The following COP1 variants were observed in gnomAD, a reference collection of about 807,000 sequenced individuals.
The protein encoded by COP1 is COP1 E3 ubiquitin ligase.
Under a neutral mutation model 101.3 loss-of-function variants are expected in COP1, and 24 were observed. The ratio of observed to expected loss-of-function variants is 0.24; its 90% CI spans 0.17 to 0.33. The LOEUF (loss-of-function observed/expected upper bound fraction) is 0.33, where lower values mean the gene tolerates loss of function less well. Among genes scored for constraint, COP1 ranks in the 10% least tolerant of loss-of-function variants. The pLI is 1.00. For synonymous variants in COP1, 347 were observed against 341.9 expected (o/e 1.01, Z -0.17); for missense variants, 663 against 906.2 (o/e 0.73, Z 3.45).
chr1:176,054,867 A>G (rs1441437273), intron 11 of COP1, among the ~76,000 whole-genome samples: 1 of 152,202 alleles, frequency 6.6e-6, no homozygotes, highest in Non-Finnish European at 1.5e-5. Flanking sequence ...ACTTTACAAA[A>G]AAAAGTTTTC....
intron 9 of COP1, among the ~76,000 whole-genome samples, chr1:176,094,082 A>T (rs1414385783): frequency 6.6e-6 from 1 of 152,058 alleles, no homozygotes; most frequent in Non-Finnish European, 1.5e-5. Context: ...AAGACTTCAA[A>T]GCCTGAAAGA....
intron 3 of COP1, among the ~76,000 whole-genome samples, chr1:176,171,218 G>C (rs1179317706): frequency 6.7e-6 from 1 of 149,942 alleles, no homozygotes; most frequent in Non-Finnish European, 1.5e-5. Context: ...TTTTTACCTA[G>C]ATCTTCTGGA....
At chr1:175,976,270 C>CTTTTTTTTTTT (rs10694480) in intron 18 of COP1, among the ~76,000 whole-genome samples, 1,801 of 56,846 alleles carry the variant, frequency 0.032, 556 homozygotes, top group Middle Eastern at 0.038. Context: ...ATTAGTCATT[C>CTTTTTTTTTTT]TTTTTTTTTT....
intron 11 of COP1, among the ~76,000 whole-genome samples, chr1:176,047,231 CAATT>C (rs1281734991): frequency 6.6e-6 from 1 of 152,168 alleles, no homozygotes; most frequent in Non-Finnish European, 1.5e-5. Context: ...CACTGATCTA[CAATT>C]AATTACACAA....
In COP1 at chr1:176,062,023, G is replaced by A. The variant is rs549014235; in HGVS notation, c.1278-15699C>T. Among the ~76,000 whole-genome samples, 12 of 152,088 alleles carry A rather than the reference G, an allele frequency of 7.9e-5. No homozygotes were observed. The East Asian group carries it at 1.7e-3, about 22-fold the overall frequency. On this transcript the variant is annotated intron_variant, in intron 11 of 19. Coordinates refer to ENST00000367669, the MANE Select transcript of COP1 (RefSeq NM_022457.7). ...TATTATTATTATTGTTTTTGGAGAC[G>A]GCATCTCACTCTATCGCCCAGGCTG...
intron 1 of COP1, among the ~76,000 whole-genome samples, chr1:176,197,496 A>G (rs954515683): frequency 7.9e-5 from 12 of 152,198 alleles, no homozygotes; most frequent in Admixed American, 4.6e-4. Flanking sequence ...CTCTAGACCT[A>G]TGAGAAAATA....
Position 176,002,346 on chromosome 1 carries a change from TTTTA to T in COP1, c.1730-12871_1730-12868del, listed in dbSNP as rs199725452. ...GTTTACTGATTCTTTCTTTTTTAGT[TTTTA>T]TTTATTTATTTATTTTTATTATACT... On this transcript the variant is annotated intron_variant, in intron 15 of 19. Coordinates refer to ENST00000367669, the MANE Select transcript of COP1 (RefSeq NM_022457.7). Among the ~76,000 whole-genome samples the T allele has an allele frequency of 3.1e-4, 47 of 152,024 alleles. 1 individual carries two copies. The highest frequency in any genetic ancestry group is 5.5e-4 in the African/African-American group (23 of 41,514).
rs558233387 is a variant in COP1 at position 175,986,709 on chromosome 1, A to G, written c.2133+234T>C. Among the ~76,000 whole-genome samples the G allele has an allele frequency of 1.4e-3, 220 of 152,310 alleles. 1 individual carries two copies. The highest frequency in any genetic ancestry group is 2.9e-3 in the Non-Finnish European group (195 of 68,012). On this transcript the variant is annotated intron_variant, in intron 18 of 19. Coordinates refer to ENST00000367669, the MANE Select transcript of COP1 (RefSeq NM_022457.7). ...CAATATGATAATGGTTATAACTGAG[A>G]TATGCACTAAATGCTATGGGTCACA...
chr1:176,013,957 A>G (rs1369311044), intron 15 of COP1, among the ~76,000 whole-genome samples: 1 of 152,210 alleles, frequency 6.6e-6, no homozygotes, highest in Non-Finnish European at 1.5e-5. Context: ...TCATTGATTA[A>G]GAGTTCATTC....
chr1:176,180,254 T>C (rs1292539399), intron 2 of COP1, among the ~76,000 whole-genome samples: 2 of 152,178 alleles, frequency 1.3e-5, no homozygotes, highest in African/African-American at 4.8e-5. Context: ...CATGAATGAG[T>C]AGATACAGCC....
At chr1:176,119,410 A>C (rs185167619) in intron 8 of COP1, among the ~76,000 whole-genome samples, 1 of 152,322 alleles carries the variant, frequency 6.6e-6, no homozygotes, top group East Asian at 1.9e-4. Flanking sequence ...CTCAGTGTAT[A>C]CAGTGATATA....
intron 1 of COP1, among the ~76,000 whole-genome samples, chr1:176,203,230 G>C (rs979404760): frequency 5.9e-5 from 9 of 152,172 alleles, no homozygotes; most frequent in African/African-American, 1.2e-4. Flanking sequence ...CCAGCTACTC[G>C]GGAGGCTGAG....
At chr1:176,025,048 T>G (rs1472241583) in intron 15 of COP1, among the ~76,000 whole-genome samples, 2 of 152,168 alleles carry the variant, frequency 1.3e-5, no homozygotes, top group Non-Finnish European at 2.9e-5. Context: ...GCAAGGTTCA[T>G]TCAAGAAAAA....
chr1:175,945,962 T>A (rs889199928), intron 19 of COP1, among the ~76,000 whole-genome samples: 1 of 152,302 alleles, frequency 6.6e-6, no homozygotes, highest in Non-Finnish European at 1.5e-5. Context: ...AAATCTTAGA[T>A]TTGTCAGTGG....
rs137869965 is a variant in COP1 at position 176,043,046 on chromosome 1, A to C, written c.1612+140T>G. 2.0e-3 allele frequency: 1,256 copies of C among 634,360 alleles called. 16 individuals are homozygous for C. In the African/African-American group the frequency reaches 0.021, roughly 11 times the overall value. The allele number at this position is 634,360 out of a possible 1,614,324, so 39.3% of individuals were successfully genotyped here. ...TCCATCTCAAAAAACAAAACAAAACAACATGGGGAATAATAATAATCAGTA... is the reference window on the plus strand; with the variant it reads ...TCCATCTCAAAAAACAAAACAAAACCACATGGGGAATAATAATAATCAGTA... On this transcript the variant is annotated intron_variant, in intron 14 of 19. Coordinates refer to ENST00000367669, the MANE Select transcript of COP1 (RefSeq NM_022457.7).
At chr1:176,187,855 T>C (rs1698667466) in intron 1 of COP1, among the ~76,000 whole-genome samples, 1 of 152,060 alleles carries the variant, frequency 6.6e-6, no homozygotes, top group African/African-American at 2.4e-5. Context: ...TGGTCTGATA[T>C]TTGTGTTCTC....
intron 6 of COP1, among the ~76,000 whole-genome samples, chr1:176,142,864 T>A (rs978306162): frequency 1.6e-4 from 24 of 151,606 alleles, no homozygotes; most frequent in African/African-American, 5.8e-4. Flanking sequence ...AGGTACAGAT[T>A]AAAAAATAAG....
chr1:176,143,850 G>GA (rs2149793052), intron 6 of COP1, among the ~76,000 whole-genome samples: 1 of 152,186 alleles, frequency 6.6e-6, no homozygotes, highest in African/African-American at 2.4e-5. Flanking sequence ...GAATGAAAAG[G>GA]AAAAATCATA....
chr1:176,091,862 G>C (rs766253906), intron 9 of COP1, among the ~76,000 whole-genome samples: 4 of 151,954 alleles, frequency 2.6e-5, no homozygotes, highest in Non-Finnish European at 5.9e-5. Flanking sequence ...TGACATAATA[G>C]ATTTAAAATA....
Sources: gnomAD v4.1 joint callset for allele counts (sites outside exome capture counted in the v4.1 genomes callset) on GRCh38, gnomAD v4.1.1 for gene constraint, MANE v1.5 for transcripts, NCBI Gene and HGNC (gene_info 2026-07-23, HGNC 2026-07-21) for gene names.